Variants in ZMYM2 observed in about 807,000 individuals in gnomAD.
ZMYM2 encodes the protein zinc finger MYM-type protein 2.
Under a neutral mutation model 162.8 loss-of-function variants are expected in ZMYM2, and 56 were observed. The observed-to-expected ratio is 0.34, with a 90% CI of 0.28 to 0.43. The LOEUF (loss-of-function observed/expected upper bound fraction) is 0.43. ZMYM2 is among the 20% of genes least tolerant of loss of function. The pLI is 1.00. For missense variants in ZMYM2, 1,275 were observed against 1,621.8 expected, an observed-to-expected ratio of 0.79 and a Z score of 3.67; for synonymous variants, 510 against 541.6, an observed-to-expected ratio of 0.94 and a Z score of 0.81.
At chr13:20,043,999 A>T (rs1339166853) in intron 12 of ZMYM2, among the ~76,000 whole-genome samples, 1 of 152,114 alleles carries the variant, frequency 6.6e-6, no homozygotes, top group Non-Finnish European at 1.5e-5. Flanking sequence ...GTACTTTCAC[A>T]CTGGGACCCT....
the ZMYM2 span, among the ~76,000 whole-genome samples, chr13:19,945,070 A>G: frequency 6.6e-6 from 1 of 152,226 alleles, no homozygotes. Flanking sequence ...TGAGACTATT[A>G]TAAAGAACTA....
chr13:19,926,630 C>G, the ZMYM2 span, among the ~76,000 whole-genome samples: 1 of 152,172 alleles, frequency 6.6e-6, no homozygotes, highest in Admixed American at 6.6e-5. Context: ...TCCCAAAGCG[C>G]TGGGATTACA....
chr13:19,944,963 G>A, the ZMYM2 span, among the ~76,000 whole-genome samples: 9 of 150,910 alleles, frequency 6.0e-5, no homozygotes, highest in Non-Finnish European at 1.0e-4. Context: ...GAACCACTGC[G>A]CCCGGCCCCT....
intron 21 of ZMYM2, among the ~76,000 whole-genome samples, chr13:20,075,896 A>T (rs1276118261): frequency 6.6e-6 from 1 of 151,276 alleles, no homozygotes; most frequent in East Asian, 1.9e-4. Context: ...AGGTTTCGCC[A>T]TGTTGGCCAG....
In ZMYM2 at chr13:20,086,047, C is replaced by T. The variant is rs1958249495; in HGVS notation, c.*33C>T. 2 of 1,596,362 alleles carry T rather than the reference C, an allele frequency of 1.3e-6. No homozygotes were observed. The highest frequency in any genetic ancestry group is 1.1e-5 in the South Asian group (1 of 89,914). On this transcript the variant is annotated 3_prime_UTR_variant, in exon 25 of 25. Coordinates refer to ENST00000610343, the MANE Select transcript of ZMYM2 (RefSeq NM_197968.4). ...CGTTGCAGAAGCAATCGGGATAAAA[C>T]AGCATTAGATAGTCATGCTGCTAGA...
At chr13:19,868,452 G>A in the ZMYM2 span, among the ~76,000 whole-genome samples, 1 of 151,932 alleles carries the variant, frequency 6.6e-6, no homozygotes, top group Non-Finnish European at 1.5e-5. Context: ...ATGTTCCATC[G>A]TTGCCTACAT....
the ZMYM2 span, among the ~76,000 whole-genome samples, chr13:19,869,024 T>G: frequency 6.6e-6 from 1 of 152,228 alleles, no homozygotes; most frequent in Non-Finnish European, 1.5e-5. Flanking sequence ...GTGCTGGGAT[T>G]ACAGGCGTGA....
chr13:20,034,282 C>T lies in ZMYM2; in HGVS notation c.1997C>T (p.Thr666Ile). The T allele has an allele frequency of 1.2e-6, 2 of 1,606,906 alleles. No individual in the cohort carries two copies. Among genetic ancestry groups the T allele is most frequent in the South Asian group, 1.1e-5 (1 of 89,374 alleles). Residue 666 changes from threonine (T) to isoleucine (I), a missense_variant, in exon 11 of 25, where the codon ACT becomes ATT. Physicochemically the swap from Thr to Ile is moderately conservative, Grantham distance 89 (BLOSUM62 -1). This residue lies in a region of ZMYM2 where 276 missense variants were observed against 311.8 expected (regional missense o/e 0.89). Coordinates refer to ENST00000610343, the MANE Select transcript of ZMYM2 (RefSeq NM_197968.4). ...AAAGTGCATCAGTTCTGCAGCAAAA[C>T]TTGTTCAGATGACTATAAGAAGTTG... ...ENKVHQFCSKTCSDDYKKLHC... is the reference protein window; with the variant it reads ...ENKVHQFCSKICSDDYKKLHC...
intron 3 of ZMYM2, among the ~76,000 whole-genome samples, chr13:19,999,202 C>T (rs1950219639): frequency 6.6e-6 from 1 of 152,112 alleles, no homozygotes; most frequent in South Asian, 2.1e-4. Context: ...ACAGGCATAC[C>T]TCATTTTATA....
chr13:19,987,552 C>T lies in ZMYM2; in HGVS notation c.-10-5511C>T, dbSNP rs377513128. Among the ~76,000 whole-genome samples, 280 of 147,636 alleles carry T rather than the reference C, an allele frequency of 1.9e-3. 7 individuals are homozygous for T. The South Asian group carries it at 0.049, about 26-fold the overall frequency. On this transcript the variant is annotated intron_variant, in intron 2 of 24. Coordinates refer to ENST00000610343, the MANE Select transcript of ZMYM2 (RefSeq NM_197968.4). ...TGCTGGGATTACAGGCGTGAGGCAC[C>T]GCACCCGGGCGCCCCGCTACGTGTG...
At chr13:20,022,367 C>T (rs959718284) in intron 7 of ZMYM2, among the ~76,000 whole-genome samples, 1 of 152,100 alleles carries the variant, frequency 6.6e-6, no homozygotes, top group Non-Finnish European at 1.5e-5. Flanking sequence ...ACCTCATAAG[C>T]GGTGTTGTGT....
At chr13:20,048,898 A>T (rs1443128262) in intron 12 of ZMYM2, among the ~76,000 whole-genome samples, 2 of 151,708 alleles carry the variant, frequency 1.3e-5, no homozygotes, top group African/African-American at 4.8e-5. Context: ...TATTTTTAAA[A>T]CCAGAGACTT....
chr13:19,871,727 A>G, the ZMYM2 span, among the ~76,000 whole-genome samples: 1 of 152,218 alleles, frequency 6.6e-6, no homozygotes, highest in Non-Finnish European at 1.5e-5. Context: ...ATTGATCTGC[A>G]CCCAATAATG....
chr13:20,071,255 A>G (rs551957822), intron 21 of ZMYM2, among the ~76,000 whole-genome samples: 3 of 152,324 alleles, frequency 2.0e-5, no homozygotes, highest in Admixed American at 1.3e-4. Flanking sequence ...TGTATTTTTT[A>G]GTACAAGTCT....
intron 4 of ZMYM2, among the ~76,000 whole-genome samples, chr13:20,004,315 C>T (rs1235888717): frequency 2.6e-5 from 4 of 151,938 alleles, no homozygotes; most frequent in East Asian, 1.9e-4. Flanking sequence ...AGTGCAGTGG[C>T]GCTGATCTCC....
chr13:19,946,165 T>C, the ZMYM2 span, among the ~76,000 whole-genome samples: 1 of 152,190 alleles, frequency 6.6e-6, no homozygotes, highest in South Asian at 2.1e-4. Context: ...CTACGCTTGC[T>C]ACCCTACGAC....
At chr13:20,053,583 CAG>C (rs1299273738) in intron 14 of ZMYM2, among the ~76,000 whole-genome samples, 2 of 152,096 alleles carry the variant, frequency 1.3e-5, no homozygotes, top group African/African-American at 4.8e-5. Flanking sequence ...ACCCGGGAGG[CAG>C]AGGTTGCAGT....
chr13:20,032,203 A>G (rs772585717), intron 10 of ZMYM2, among the ~76,000 whole-genome samples: 29 of 152,226 alleles, frequency 1.9e-4, no homozygotes, highest in African/African-American at 7.0e-4. Context: ...ATAGTGGCCT[A>G]TGAATCCCAC....
At chr13:19,908,974 G>T in the ZMYM2 span, among the ~76,000 whole-genome samples, 1 of 152,088 alleles carries the variant, frequency 6.6e-6, no homozygotes, top group Admixed American at 6.6e-5. Context: ...GAACTATAAA[G>T]GCACAGGGTC....
Sources: gnomAD v4.1 joint callset for allele counts (sites outside exome capture counted in the v4.1 genomes callset) on GRCh38, gnomAD v4.1.1 for gene constraint, gnomAD v4.1.1 regional missense constraint, MANE v1.5 for transcripts, NCBI Gene and HGNC (gene_info 2026-07-23, HGNC 2026-07-21) for gene names.